The following PTPRD variants were observed in gnomAD, a reference collection of about 807,000 sequenced individuals.
PTPRD encodes protein tyrosine phosphatase receptor type D.
Under a neutral mutation model 214.5 loss-of-function variants are expected in PTPRD, and 34 were observed. That is an observed-to-expected ratio of 0.16 (90% CI 0.12 to 0.21). The LOEUF (loss-of-function observed/expected upper bound fraction) is 0.21. Ranked by LOEUF, PTPRD falls within the 10% of genes least tolerant of loss-of-function variation. The pLI is 1.00. For synonymous variants in PTPRD, 1,128 were observed against 845.7 expected, an observed-to-expected ratio of 1.33 and a Z score of -5.79; for missense variants, 2,545 against 2,398.7, an observed-to-expected ratio of 1.06 and a Z score of -1.27.
chr9:10,017,322 T>C (rs2096740717), intron 4 of PTPRD, among the ~76,000 whole-genome samples: 1 of 152,120 alleles, frequency 6.6e-6, no homozygotes, highest in Admixed American at 6.5e-5. Context: ...CAGGAGTCCT[T>C]TTTGTAGGTT....
chr9:9,007,547 T>C (rs904127283), intron 11 of PTPRD, among the ~76,000 whole-genome samples: 2 of 151,954 alleles, frequency 1.3e-5, no homozygotes, highest in African/African-American at 4.8e-5. Flanking sequence ...CCTATCAATA[T>C]TTCTTTCTAA....
chr9:9,916,504 G>C (rs1602007609), intron 5 of PTPRD, among the ~76,000 whole-genome samples: 1 of 151,754 alleles, frequency 6.6e-6, no homozygotes, highest in South Asian at 2.1e-4. Context: ...TGGTTGAATA[G>C]ATTTTTAAAA....
At chr9:10,503,796 G>A (rs1005321883) in intron 2 of PTPRD, among the ~76,000 whole-genome samples, 3 of 151,858 alleles carry the variant, frequency 2.0e-5, no homozygotes, top group African/African-American at 7.3e-5. Flanking sequence ...GATGTCCAGG[G>A]TAAGGAAAGA....
chr9:9,383,679 C>A (rs563831838), intron 9 of PTPRD, among the ~76,000 whole-genome samples: 21 of 152,160 alleles, frequency 1.4e-4, no homozygotes, highest in African/African-American at 5.1e-4. Flanking sequence ...AGCTTTTATG[C>A]GGTACCTTAA....
At chr9:10,476,576 T>G (rs1589043428) in intron 2 of PTPRD, among the ~76,000 whole-genome samples, 1 of 152,256 alleles carries the variant, frequency 6.6e-6, no homozygotes, top group East Asian at 1.9e-4. Context: ...AAGTAATTTA[T>G]AGATTCTATG....
chr9:8,562,428 A>ATTTAT (rs200092347), intron 14 of PTPRD, among the ~76,000 whole-genome samples: 12 of 149,572 alleles, frequency 8.0e-5, no homozygotes, highest in East Asian at 4.1e-4. Flanking sequence ...TTATTTATTT[A>ATTTAT]TTTATTTTAT....
intron 8 of PTPRD, among the ~76,000 whole-genome samples, chr9:9,539,286 T>C (rs1245623952): frequency 6.6e-6 from 1 of 151,838 alleles, no homozygotes; most frequent in Non-Finnish European, 1.5e-5. Context: ...ACTTAGAATG[T>C]TGAATCAGTA....
chr9:9,214,059 C>G (rs2099950565), intron 9 of PTPRD, among the ~76,000 whole-genome samples: 1 of 152,160 alleles, frequency 6.6e-6, no homozygotes, highest in African/African-American at 2.4e-5. Flanking sequence ...CATCCATCCT[C>G]CAACACCCAA....
chr9:8,511,036 G>C (rs2097669116), intron 21 of PTPRD, among the ~76,000 whole-genome samples: 2 of 151,648 alleles, frequency 1.3e-5, no homozygotes, highest in Admixed American at 1.3e-4. Flanking sequence ...ACATATAAAT[G>C]TATAAACGTA....
chr9:8,995,209 G>A (rs934140539), intron 11 of PTPRD, among the ~76,000 whole-genome samples: 1 of 151,984 alleles, frequency 6.6e-6, no homozygotes, highest in South Asian at 2.1e-4. Flanking sequence ...ATTTGGACCT[G>A]TACTAGGAAT....
chr9:10,189,441 G>T (rs748014018), intron 3 of PTPRD, among the ~76,000 whole-genome samples: 1 of 152,046 alleles, frequency 6.6e-6, no homozygotes, highest in Non-Finnish European at 1.5e-5. Flanking sequence ...ACCACTAAAG[G>T]CCCAACCTTA....
At chr9:10,026,346 G>C (rs971100436) in intron 4 of PTPRD, among the ~76,000 whole-genome samples, 1 of 152,054 alleles carries the variant, frequency 6.6e-6, no homozygotes, top group South Asian at 2.1e-4. Flanking sequence ...GCAGAGAAGA[G>C]AAGTCTCAAC....
At chr9:10,465,426 T>G (rs2131464671) in intron 2 of PTPRD, among the ~76,000 whole-genome samples, 1 of 152,204 alleles carries the variant, frequency 6.6e-6, no homozygotes, top group Admixed American at 6.5e-5. Context: ...TAATACCATA[T>G]CACTATAGTA....
intron 2 of PTPRD, among the ~76,000 whole-genome samples, chr9:10,459,494 T>G (rs1012591885): frequency 6.6e-6 from 1 of 152,152 alleles, no homozygotes; most frequent in African/African-American, 2.4e-5. Context: ...CCACAATGGT[T>G]GAACTAATTT....
intron 2 of PTPRD, among the ~76,000 whole-genome samples, chr9:10,453,373 T>G (rs1316158895): frequency 1.3e-5 from 2 of 151,652 alleles, no homozygotes. Flanking sequence ...TGGTAGATAT[T>G]GAACTGATCT....
chr9:10,015,221 T>C (rs1021240539), intron 4 of PTPRD, among the ~76,000 whole-genome samples: 3 of 152,142 alleles, frequency 2.0e-5, no homozygotes, highest in Non-Finnish European at 4.4e-5. Context: ...AGTTACCAGC[T>C]TTTTCATTGG....
Position 9,822,243 on chromosome 9 carries a change from T to C in PTPRD, c.-367-55392A>G, listed in dbSNP as rs369567038. Among the ~76,000 whole-genome samples the C allele has an allele frequency of 1.5e-4, 23 of 150,834 alleles. 1 individual carries two copies. In the South Asian group the frequency reaches 4.6e-3, roughly 30 times the overall value. ...CTGGCCAACATGGTGAAACCCCTTC[T>C]CTACTAAAAGTACAAAAGTTAGCTG... On this transcript the variant is annotated intron_variant, in intron 5 of 45. Transcript: ENST00000381196.
chr9:9,859,523 A>G (rs1352902777), intron 5 of PTPRD, among the ~76,000 whole-genome samples: 1 of 152,226 alleles, frequency 6.6e-6, no homozygotes, highest in African/African-American at 2.4e-5. Flanking sequence ...GCACCAAAAT[A>G]AGTTTATAAT....
At chr9:9,917,589 G>C (rs2081308551) in intron 5 of PTPRD, among the ~76,000 whole-genome samples, 3 of 151,426 alleles carry the variant, frequency 2.0e-5, no homozygotes, top group Admixed American at 2.0e-4. Context: ...ATTATTTGTT[G>C]AGGTCAGCAT....
Sources: allele counts gnomAD v4.1 joint callset (sites outside exome capture counted in the v4.1 genomes callset), GRCh38; gene constraint gnomAD v4.1.1; transcripts MANE v1.5; gene names NCBI Gene and HGNC (gene_info 2026-07-23, HGNC 2026-07-21).